Variants in ENTREP2 observed in about 807,000 individuals in gnomAD.
ENTREP2 encodes endosomal transmembrane epsin interactor 2.
At chr15:29,132,582 G>T in the ENTREP2 span, among the ~76,000 whole-genome samples, 1 of 152,220 alleles carries the variant, frequency 6.6e-6, no homozygotes, top group African/African-American at 2.4e-5. Context: ...GCAGTTCTGA[G>T]AAAGAGATCT....
At chr15:29,136,353 C>A in the ENTREP2 span, 1,388 of 1,489,412 alleles carry the variant, frequency 9.3e-4, 16 homozygotes, top group African/African-American at 0.017. Context: ...TTGTCTGGGG[C>A]CCCAGGCCTC....
the ENTREP2 span, among the ~76,000 whole-genome samples, chr15:29,377,549 C>T: frequency 1.3e-5 from 2 of 152,012 alleles, no homozygotes; most frequent in Non-Finnish European, 2.9e-5. Context: ...CACGGCCAGG[C>T]GCAGTGGCTT....
At chr15:29,318,478 A>T in the ENTREP2 span, among the ~76,000 whole-genome samples, 98 of 151,954 alleles carry the variant, frequency 6.4e-4, no homozygotes, top group African/African-American at 2.3e-3. Context: ...CTGCCAGCAC[A>T]CCTGGCTAAT....
At chr15:29,664,932 T>A in the ENTREP2 span, among the ~76,000 whole-genome samples, 1 of 152,142 alleles carries the variant, frequency 6.6e-6, no homozygotes, top group Non-Finnish European at 1.5e-5. Flanking sequence ...AATCCAACTT[T>A]CTCTGCCACC....
At chr15:29,578,297 G>C in the ENTREP2 span, among the ~76,000 whole-genome samples, 24,795 of 152,050 alleles carry the variant, frequency 0.16, 2,895 homozygotes, top group East Asian at 0.49. Context: ...ATTTCCACAT[G>C]ACCCAGTAGT....
chr15:29,201,030 A>G, the ENTREP2 span, among the ~76,000 whole-genome samples: 1 of 152,228 alleles, frequency 6.6e-6, no homozygotes, highest in Non-Finnish European at 1.5e-5. Flanking sequence ...TATGCTATTA[A>G]TATGCAGTAT....
the ENTREP2 span, among the ~76,000 whole-genome samples, chr15:29,465,257 T>C: frequency 4.6e-5 from 7 of 151,990 alleles, no homozygotes; most frequent in Admixed American, 1.3e-4. Context: ...GGGAATGGGG[T>C]GCAGAAGTGG....
At chr15:29,630,845 G>A in the ENTREP2 span, among the ~76,000 whole-genome samples, 9 of 152,078 alleles carry the variant, frequency 5.9e-5, no homozygotes, top group Non-Finnish European at 1.3e-4. Context: ...TCACCACCAC[G>A]CTAATTTTTG....
the ENTREP2 span, among the ~76,000 whole-genome samples, chr15:29,167,420 T>C: frequency 2.0e-5 from 3 of 152,068 alleles, no homozygotes; most frequent in Admixed American, 6.6e-5. Context: ...AATCTATACA[T>C]CTGACAAAGG....
chr15:29,447,546 G>A, the ENTREP2 span, among the ~76,000 whole-genome samples: 1 of 152,142 alleles, frequency 6.6e-6, no homozygotes, highest in African/African-American at 2.4e-5. Context: ...GCTCACTGCA[G>A]CTTCAACCTC....
chr15:29,512,348 A>C, the ENTREP2 span, among the ~76,000 whole-genome samples: 9 of 152,222 alleles, frequency 5.9e-5, no homozygotes, highest in African/African-American at 2.2e-4. Context: ...ACAGACAGAA[A>C]TAGAAACATT....
the ENTREP2 span, among the ~76,000 whole-genome samples, chr15:29,230,027 C>G: frequency 0.019 from 2,910 of 152,174 alleles, 99 homozygotes; most frequent in African/African-American, 0.066. Context: ...AAATCTCTAC[C>G]TTGGCTGATG....
the ENTREP2 span, among the ~76,000 whole-genome samples, chr15:29,598,939 G>A: frequency 7.9e-5 from 12 of 152,190 alleles, no homozygotes; most frequent in East Asian, 7.8e-4. Context: ...CTCGTGATCC[G>A]CCCGCCTCGG....
chr15:29,502,997 A>T, the ENTREP2 span, among the ~76,000 whole-genome samples: 1 of 152,116 alleles, frequency 6.6e-6, no homozygotes, highest in Non-Finnish European at 1.5e-5. Flanking sequence ...TGGAACTCAT[A>T]CGTTGCTGAT....
the ENTREP2 span, among the ~76,000 whole-genome samples, chr15:29,620,857 C>G: frequency 6.6e-6 from 1 of 151,988 alleles, no homozygotes; most frequent in South Asian, 2.1e-4. Flanking sequence ...AAAGGAAGAA[C>G]AAATCCCTCT....
the ENTREP2 span, chr15:29,128,741 T>C: frequency 7.2e-7 from 1 of 1,394,802 alleles, no homozygotes; most frequent in Non-Finnish European, 9.9e-7. Context: ...AGAGACACCC[T>C]TGAAAACAGG....
chr15:29,293,448 G>C, the ENTREP2 span, among the ~76,000 whole-genome samples: 1 of 151,232 alleles, frequency 6.6e-6, no homozygotes, highest in Non-Finnish European at 1.5e-5. Context: ...AGTAGAGACA[G>C]GGTTTCACCG....
the ENTREP2 span, among the ~76,000 whole-genome samples, chr15:29,641,589 T>C: frequency 1.3e-5 from 2 of 151,594 alleles, no homozygotes; most frequent in Non-Finnish European, 2.9e-5. Flanking sequence ...CCCAGCACTT[T>C]GCAAGGCTAA....
At chr15:29,160,585 T>A in the ENTREP2 span, among the ~76,000 whole-genome samples, 312 of 152,020 alleles carry the variant, frequency 2.1e-3, 3 homozygotes, top group Non-Finnish European at 3.1e-3. Context: ...GGCAGGCACC[T>A]GTAATCCCAG....
Sources: gnomAD v4.1 joint callset for allele counts (sites outside exome capture counted in the v4.1 genomes callset) on GRCh38, gnomAD v4.1.1 for gene constraint, MANE v1.5 for transcripts, NCBI Gene and HGNC (gene_info 2026-07-23, HGNC 2026-07-21) for gene names.